NTNG1: variants seen among roughly 807,000 people sequenced by gnomAD.
The protein encoded by NTNG1 is netrin G1.
NTNG1 carries 16 observed loss-of-function variants against 54.0 expected under a neutral mutation model. The ratio of observed to expected loss-of-function variants is 0.30; its 90% CI spans 0.20 to 0.45. The LOEUF is 0.45. Among genes scored for constraint, NTNG1 ranks in the 20% least tolerant of loss-of-function variants. The pLI is 1.00. For synonymous variants in NTNG1, 255 were observed against 263.1 expected (o/e 0.97, Z 0.30); for missense variants, 530 against 678.7 (o/e 0.78, Z 2.43).
intron 2 of NTNG1, among the ~76,000 whole-genome samples, chr1:107,320,681 T>C (rs112505421): frequency 6.6e-6 from 1 of 150,774 alleles, no homozygotes; most frequent in South Asian, 2.1e-4. Context: ...TTTTTTTCCT[T>C]TCTCTCACCT....
At chr1:107,311,544 T>TATTAC (rs986006618) in intron 2 of NTNG1, among the ~76,000 whole-genome samples, 1 of 152,150 alleles carries the variant, frequency 6.6e-6, no homozygotes, top group African/African-American at 2.4e-5. Flanking sequence ...CTACATTGCT[T>TATTAC]ATTACATTAT....
chr1:107,198,484 C>T (rs1052744478), intron 2 of NTNG1, among the ~76,000 whole-genome samples: 17 of 151,924 alleles, frequency 1.1e-4, no homozygotes, highest in African/African-American at 1.7e-4. Context: ...AATAAAATTA[C>T]ATCACAGGAA....
At chr1:107,370,331 T>C (rs1402995587) in intron 3 of NTNG1, among the ~76,000 whole-genome samples, 1 of 151,846 alleles carries the variant, frequency 6.6e-6, no homozygotes, top group Non-Finnish European at 1.5e-5. Context: ...TTAGGGAGAA[T>C]TGTCATTTTT....
intron 2 of NTNG1, among the ~76,000 whole-genome samples, chr1:107,176,353 A>AAGAGCAT (rs1251866105): frequency 6.6e-6 from 1 of 152,178 alleles, no homozygotes; most frequent in Non-Finnish European, 1.5e-5. Flanking sequence ...CATAGACATG[A>AAGAGCAT]AGAGCATACC....
rs1195065584 is a variant in NTNG1 at position 107,401,818 on chromosome 1, AACAGACT to A, written c.1061-5863_1061-5857del. Among the ~76,000 whole-genome samples, 3 of 152,028 alleles carry A rather than the reference AACAGACT, an allele frequency of 2.0e-5. No individual in the cohort carries two copies. In the East Asian group the frequency reaches 5.8e-4, roughly 29 times the overall value. Reference sequence around the variant, plus strand: ...GACTCTGGGCTCCAGTTTCCTTCCCAACAGACTGAGATGATCTTGGGCAAGTTACTCA... The same window carrying A: ...GACTCTGGGCTCCAGTTTCCTTCCCAGAGATGATCTTGGGCAAGTTACTCA... On this transcript the variant is annotated intron_variant, in intron 4 of 7. Coordinates refer to ENST00000370068, the MANE Select transcript of NTNG1 (RefSeq NM_001113226.3).
intron 7 of NTNG1, among the ~76,000 whole-genome samples, chr1:107,462,207 G>A (rs1677321849): frequency 6.6e-6 from 1 of 152,180 alleles, no homozygotes; most frequent in Admixed American, 6.5e-5. Flanking sequence ...ACCAGTTTCT[G>A]TTTCGTGGAG....
At chr1:107,212,425 C>G (rs1169646423) in intron 2 of NTNG1, among the ~76,000 whole-genome samples, 1 of 152,072 alleles carries the variant, frequency 6.6e-6, no homozygotes. Flanking sequence ...GATTACAGGT[C>G]TTATCCAAGG....
At chr1:107,152,549 C>T (rs12749321) in intron 2 of NTNG1, among the ~76,000 whole-genome samples, 6 of 152,122 alleles carry the variant, frequency 3.9e-5, no homozygotes, top group Non-Finnish European at 7.4e-5. Flanking sequence ...GTTAAACAGA[C>T]GCTTTGAAAA....
intron 2 of NTNG1, among the ~76,000 whole-genome samples, chr1:107,173,194 T>G (rs958741441): frequency 1.4e-4 from 21 of 152,184 alleles, no homozygotes; most frequent in African/African-American, 5.1e-4. Context: ...GCCAGGATTT[T>G]GTTGTGTTGC....
At chr1:107,155,516 G>A (rs78865741) in intron 2 of NTNG1, among the ~76,000 whole-genome samples, 2,797 of 151,992 alleles carry the variant, frequency 0.018, 79 homozygotes, top group African/African-American at 0.064. Context: ...GTACTCAACT[G>A]TACTCCACCA....
chr1:107,267,667 C>T (rs1388979009), intron 2 of NTNG1, among the ~76,000 whole-genome samples: 1 of 152,152 alleles, frequency 6.6e-6, no homozygotes, highest in Non-Finnish European at 1.5e-5. Context: ...CATACTCTTG[C>T]CCTCAGGTCT....
At chr1:107,380,140 A>C (rs1414749597) in intron 3 of NTNG1, among the ~76,000 whole-genome samples, 3 of 152,134 alleles carry the variant, frequency 2.0e-5, no homozygotes, top group Admixed American at 6.5e-5. Flanking sequence ...TTGAAAGGCA[A>C]TGATGCTACC....
chr1:107,390,765 C>T (rs1357287235), intron 3 of NTNG1, among the ~76,000 whole-genome samples: 1 of 152,144 alleles, frequency 6.6e-6, no homozygotes, highest in African/African-American at 2.4e-5. Context: ...TTATTATGTG[C>T]CAAGAACAGC....
intron 2 of NTNG1, among the ~76,000 whole-genome samples, chr1:107,218,229 T>C (rs1249460992): frequency 6.6e-6 from 1 of 152,186 alleles, no homozygotes; most frequent in African/African-American, 2.4e-5. Flanking sequence ...TTTTAACTAC[T>C]GTTGCTTTAA....
intron 2 of NTNG1, among the ~76,000 whole-genome samples, chr1:107,307,323 C>T (rs935666037): frequency 6.6e-6 from 1 of 152,148 alleles, no homozygotes; most frequent in Non-Finnish European, 1.5e-5. Context: ...CTGGACCCTA[C>T]AAAGGAGGCT....
chr1:107,430,635 A>T (rs1350657565), intron 5 of NTNG1, 115 bp from the exon 6 acceptor site: 1 of 1,019,400 alleles, frequency 9.8e-7, no homozygotes. Context: ...TGAATCACAT[A>T]TATGTAATGC....
At chr1:107,296,826 A>G (rs1009826297) in intron 2 of NTNG1, among the ~76,000 whole-genome samples, 2 of 149,018 alleles carry the variant, frequency 1.3e-5, no homozygotes, top group Non-Finnish European at 3.0e-5. Flanking sequence ...TAACTAAAAG[A>G]TAATAACTAA....
rs540918306 is a variant in NTNG1, at chr1:107,454,267, A to C, written c.1390+17468A>C. On this transcript the variant is annotated intron_variant, in intron 7 of 7. Transcript: ENST00000370068. Reference sequence around the variant, plus strand: ...TCTGTTTATCATTTATCAGGAACAAATGTTTGTTCACTGCCCTCTGTGTGC... The same window carrying C: ...TCTGTTTATCATTTATCAGGAACAACTGTTTGTTCACTGCCCTCTGTGTGC... 6.6e-5 allele frequency among the ~76,000 whole-genome samples: 10 copies of C among 152,288 alleles called. No individual in the cohort carries two copies. In the East Asian group the frequency reaches 1.9e-3, roughly 29 times the overall value.
chr1:107,288,499 C>A (rs1171812460), intron 2 of NTNG1, among the ~76,000 whole-genome samples: 1 of 152,038 alleles, frequency 6.6e-6, no homozygotes, highest in Non-Finnish European at 1.5e-5. Flanking sequence ...AATCGCACCA[C>A]TGAGAAATTG....
Sources: gnomAD v4.1 joint callset for allele counts (sites outside exome capture counted in the v4.1 genomes callset) on GRCh38, gnomAD v4.1.1 for gene constraint, MANE v1.5 for transcripts, NCBI Gene and HGNC (gene_info 2026-07-23, HGNC 2026-07-21) for gene names.